SUMF1: variants seen among roughly 807,000 people sequenced by gnomAD.
SUMF1 encodes sulfatase modifying factor 1, also known as formylglycine-generating enzyme.
A neutral mutation model predicts 47.6 loss-of-function variants in SUMF1; 48 were observed. The observed-to-expected ratio is 1.01, with a 90% CI of 0.80 to 1.28. The LOEUF is 1.28. Among genes scored for constraint, SUMF1 ranks in the 50% most tolerant of loss-of-function variants. The pLI, the probability that SUMF1 is intolerant of heterozygous loss-of-function variation, is 0.00. For missense variants in SUMF1, 571 were observed against 485.4 expected (o/e 1.18, Z -1.66); for synonymous variants, 230 against 192.1 (o/e 1.20, Z -1.63).
chr3:4,072,243 A>C (rs1390912039), intron 8 of SUMF1, among the ~76,000 whole-genome samples: 1 of 152,170 alleles, frequency 6.6e-6, no homozygotes, highest in East Asian at 1.9e-4. Context: ...AAGGGGCCTG[A>C]CTGTTAGAAG....
At chr3:4,381,116 G>A (rs1286925862) in intron 7 of SUMF1, among the ~76,000 whole-genome samples, 1 of 152,140 alleles carries the variant, frequency 6.6e-6, no homozygotes, top group African/African-American at 2.4e-5. Flanking sequence ...ACATTGACAA[G>A]GAAAGCAACA....
intron 8 of SUMF1, among the ~76,000 whole-genome samples, chr3:4,121,071 G>C (rs1693530080): frequency 6.6e-6 from 1 of 152,132 alleles, no homozygotes; most frequent in African/African-American, 2.4e-5. Context: ...CTTCAGACCA[G>C]GGTAATAAAC....
intron 8 of SUMF1, among the ~76,000 whole-genome samples, chr3:4,092,850 A>G (rs1283675709): frequency 6.6e-6 from 1 of 152,116 alleles, no homozygotes; most frequent in African/African-American, 2.4e-5. Context: ...GAGTGAATAT[A>G]TAAGAAGGTA....
At chr3:4,388,603 T>C (rs1028297035) in intron 7 of SUMF1, among the ~76,000 whole-genome samples, 1 of 152,108 alleles carries the variant, frequency 6.6e-6, no homozygotes, top group African/African-American at 2.4e-5. Flanking sequence ...CATTTTATTT[T>C]TTGTTTTCTG....
intron 8 of SUMF1, among the ~76,000 whole-genome samples, chr3:4,318,060 TACAC>T (rs767055862): frequency 6.6e-6 from 1 of 151,662 alleles, no homozygotes; most frequent in African/African-American, 2.4e-5. Context: ...GTTACATACA[TACAC>T]ACACACACGA....
intron 9 of SUMF1, among the ~76,000 whole-genome samples, chr3:4,045,151 A>T (rs1336606832): frequency 6.6e-6 from 1 of 152,130 alleles, no homozygotes; most frequent in Non-Finnish European, 1.5e-5. Context: ...GTTAATTATA[A>T]GTACAGGAGA....
At chr3:4,375,379 G>C (rs1700296514) in intron 8 of SUMF1, among the ~76,000 whole-genome samples, 1 of 152,034 alleles carries the variant, frequency 6.6e-6, no homozygotes, top group Admixed American at 6.6e-5. Flanking sequence ...TCATCACCTG[G>C]AGAGCTTTAA....
intron 8 of SUMF1, among the ~76,000 whole-genome samples, chr3:4,192,147 G>C (rs1056713076): frequency 3.9e-5 from 6 of 152,072 alleles, no homozygotes; most frequent in African/African-American, 1.4e-4. Flanking sequence ...CCTGAAAGTG[G>C]CCTGAGGTTT....
In SUMF1 at chr3:4,154,842, G is replaced by C. The variant is rs144736843; in HGVS notation, c.1015-86097C>G. 1.1e-4 allele frequency among the ~76,000 whole-genome samples: 17 copies of C among 151,618 alleles called. No individual in the cohort carries two copies. The East Asian group carries it at 3.3e-3, about 29-fold the overall frequency. ...GGGCAACCACCGCATCCCACTTCCAGAATACATCAAAATTACAGCTTTTTT... is the reference window on the plus strand; with the variant it reads ...GGGCAACCACCGCATCCCACTTCCACAATACATCAAAATTACAGCTTTTTT... On this transcript the variant is annotated intron_variant and NMD_transcript_variant, in intron 8 of 12. Coordinates refer to the SUMF1 transcript ENST00000448413.
rs889846002 is a variant in SUMF1, at chr3:4,104,737, GT to G, written c.1015-35993del. On this transcript the variant is annotated intron_variant and NMD_transcript_variant, in intron 8 of 12. Transcript: ENST00000448413. ...CCTACCAATTCCCCTGTTCTCCAAT[GT>G]AATAATTTTTTTCCTTTAACCTTTC... is the stretch of plus-strand genomic sequence containing the variant. 2.6e-5 allele frequency among the ~76,000 whole-genome samples: 4 copies of G among 151,696 alleles called. No homozygotes were observed. In the South Asian group the frequency reaches 6.3e-4, roughly 24 times the overall value.
intron 8 of SUMF1, among the ~76,000 whole-genome samples, chr3:4,138,511 A>C (rs1693996765): frequency 1.3e-5 from 2 of 152,108 alleles, no homozygotes; most frequent in Admixed American, 6.6e-5. Flanking sequence ...CTGGAGACTA[A>C]AAATCAGCCA....
chr3:4,066,575 T>C (rs1434595930), intron 9 of SUMF1, among the ~76,000 whole-genome samples: 2 of 152,134 alleles, frequency 1.3e-5, no homozygotes, highest in African/African-American at 2.4e-5. Flanking sequence ...ATCGGTGAGA[T>C]GCCAGACCCA....
chr3:4,207,632 A>G (rs1168815535), intron 8 of SUMF1, among the ~76,000 whole-genome samples: 3 of 152,162 alleles, frequency 2.0e-5, no homozygotes, highest in Non-Finnish European at 4.4e-5. Flanking sequence ...TTAATAAGTT[A>G]ACCTTGCCAT....
At chr3:4,309,019 G>A (rs1698301450) in intron 8 of SUMF1, among the ~76,000 whole-genome samples, 3 of 152,136 alleles carry the variant, frequency 2.0e-5, no homozygotes, top group Admixed American at 2.0e-4. Flanking sequence ...AACGTACATT[G>A]GTTCAGTCCA....
Position 4,316,953 on chromosome 3 carries a change from G to A in SUMF1, c.1014+59377C>T, listed in dbSNP as rs1371494087. ...CAGAAAGGGCCCAATTCTTCTCCAC[G>A]ACAATGCCCGACCGCATGTTGCACA... On this transcript the variant is annotated intron_variant and NMD_transcript_variant, in intron 8 of 12. Transcript: ENST00000448413. The A allele has an allele frequency of 7.7e-6, 12 of 1,549,346 alleles. No homozygotes were observed. The East Asian group carries it at 2.0e-4, about 25-fold the overall frequency.
intron 9 of SUMF1, among the ~76,000 whole-genome samples, chr3:4,056,135 C>A (rs1695187668): frequency 6.6e-6 from 1 of 152,116 alleles, no homozygotes; most frequent in East Asian, 1.9e-4. Flanking sequence ...AACCTTAATT[C>A]TCCTTTACCG....
intron 8 of SUMF1, among the ~76,000 whole-genome samples, chr3:4,096,021 G>A (rs529216172): frequency 6.6e-6 from 1 of 152,096 alleles, no homozygotes; most frequent in Non-Finnish European, 1.5e-5. Context: ...ATGGGATTAT[G>A]GTGGTCACAG....
intron 8 of SUMF1, among the ~76,000 whole-genome samples, chr3:4,185,370 A>T (rs530264065): frequency 6.6e-6 from 1 of 152,300 alleles, no homozygotes; most frequent in East Asian, 1.9e-4. Context: ...GACTTATTTT[A>T]CTTTTCATTG....
At chr3:4,328,429 C>T (rs1698988036) in intron 8 of SUMF1, among the ~76,000 whole-genome samples, 1 of 152,134 alleles carries the variant, frequency 6.6e-6, no homozygotes, top group African/African-American at 2.4e-5. Flanking sequence ...AATGGACTCA[C>T]AGTTCCACAT....
Sources: allele counts gnomAD v4.1 joint callset (sites outside exome capture counted in the v4.1 genomes callset), GRCh38; gene constraint gnomAD v4.1.1; transcripts MANE v1.5; gene names NCBI Gene and HGNC (gene_info 2026-07-23, HGNC 2026-07-21).